Variants in GRM5 observed in about 807,000 individuals in gnomAD.
GRM5 encodes metabotropic glutamate receptor 5.
In GRM5, 19 loss-of-function variants were observed where a neutral mutation model predicts 83.1. The ratio of observed to expected loss-of-function variants is 0.23; its 90% CI spans 0.16 to 0.34. GRM5 has a LOEUF of 0.34. GRM5 is among the 10% of genes least tolerant of loss of function. The pLI is 1.00. For missense variants in GRM5, 1,160 were observed against 1,588.3 expected, an observed-to-expected ratio of 0.73 and a Z score of 4.58; for synonymous variants, 675 against 633.6, an observed-to-expected ratio of 1.07 and a Z score of -0.98.
At chr11:88,584,445 T>G (rs772166256) in intron 7 of GRM5, among the ~76,000 whole-genome samples, 16 of 152,116 alleles carry the variant, frequency 1.1e-4, no homozygotes, top group Non-Finnish European at 2.1e-4. Flanking sequence ...CTTTTCTTTT[T>G]GTTTTTGAGA....
chr11:88,567,454 T>C lies in GRM5; in HGVS notation c.2229A>G (p.Pro743=). The C allele has an allele frequency of 6.2e-7, 1 of 1,614,146 alleles. No homozygotes were observed. Among genetic ancestry groups the C allele is most frequent in the Non-Finnish European group, 8.5e-7 (1 of 1,179,972 alleles). The part of the protein sequence containing the change: ...CNTTNLGVVT[P]LGYNGLLILS... ...AAATCAACAATCCATTGTATCCAAG[T>C]GGAGTGACAACTCCTAGGTTGGTGG... Residue 743 remains proline (P), a synonymous_variant, in exon 8 of 10, where the codon CCA becomes CCG. Transcript: ENST00000305447. This position sits in a 1 kb window ranked among gnomAD's most constrained non-coding sequence, Gnocchi z 7.3.
intron 2 of GRM5, among the ~76,000 whole-genome samples, chr11:89,007,907 G>A (rs1373137683): frequency 1.3e-5 from 2 of 152,108 alleles, no homozygotes; most frequent in African/African-American, 2.4e-5. Flanking sequence ...GGTGAAAGTG[G>A]CAACCTTTCA....
At chr11:88,754,168 C>A (rs1041897331) in intron 3 of GRM5, among the ~76,000 whole-genome samples, 2 of 152,116 alleles carry the variant, frequency 1.3e-5, no homozygotes, top group Non-Finnish European at 2.9e-5. Context: ...TTATCCTCAG[C>A]AAATTAATGC....
At chr11:88,621,845 A>T (rs1483068968) in intron 4 of GRM5, among the ~76,000 whole-genome samples, 3 of 152,214 alleles carry the variant, frequency 2.0e-5, no homozygotes, top group Middle Eastern at 3.2e-3. Flanking sequence ...ATTACATTGC[A>T]GTATGTAAAC....
intron 2 of GRM5, among the ~76,000 whole-genome samples, chr11:88,964,304 A>G (rs575417638): frequency 7.9e-5 from 12 of 152,222 alleles, no homozygotes; most frequent in African/African-American, 2.9e-4. Context: ...ATTATTTTAG[A>G]TGACTCAAAA....
chr11:88,518,857 C>T (rs1227355477), intron 9 of GRM5, among the ~76,000 whole-genome samples: 1 of 151,174 alleles, frequency 6.6e-6, no homozygotes, highest in African/African-American at 2.4e-5. Context: ...GTCCCTAAAA[C>T]AATGCTACCT....
chr11:88,827,038 T>C (rs1943905230), intron 3 of GRM5, among the ~76,000 whole-genome samples: 1 of 152,104 alleles, frequency 6.6e-6, no homozygotes, highest in Admixed American at 6.6e-5. Context: ...TGTAATGGAG[T>C]ATTTTTTTTA....
chr11:88,643,681 A>T (rs912671531), intron 4 of GRM5, among the ~76,000 whole-genome samples: 2 of 152,168 alleles, frequency 1.3e-5, no homozygotes, highest in African/African-American at 4.8e-5. Context: ...GCAGTTATTT[A>T]ATTTAATTTT....
At chr11:88,779,712 C>T (rs191398380) in intron 3 of GRM5, among the ~76,000 whole-genome samples, 2 of 152,124 alleles carry the variant, frequency 1.3e-5, no homozygotes, top group Non-Finnish European at 1.5e-5. Context: ...TATATTGCAG[C>T]TAAAATTTTT....
At chr11:88,885,020 T>C (rs1352295293) in intron 2 of GRM5, among the ~76,000 whole-genome samples, 1 of 152,180 alleles carries the variant, frequency 6.6e-6, no homozygotes, top group Non-Finnish European at 1.5e-5. Context: ...CATTACTGCC[T>C]TAACTGAATT....
In GRM5 at chr11:88,995,810, C is replaced by G. The variant is rs77953867; in HGVS notation, c.661+51402G>C. ...GAAGGGTACCCAGCAAAACTCAAATCTTGAAATTCCAAATAAAATATCTAC... is the reference window on the plus strand; with the variant it reads ...GAAGGGTACCCAGCAAAACTCAAATGTTGAAATTCCAAATAAAATATCTAC... On this transcript the variant is annotated intron_variant, in intron 2 of 9. Coordinates refer to ENST00000305447, the MANE Select transcript of GRM5 (RefSeq NM_001143831.3). Among the ~76,000 whole-genome samples, 108 of 152,072 alleles carry G rather than the reference C, an allele frequency of 7.1e-4. 2 individuals are homozygous for G. The East Asian group carries it at 0.017, about 24-fold the overall frequency.
intron 3 of GRM5, among the ~76,000 whole-genome samples, chr11:88,736,138 C>G (rs1411536335): frequency 1.3e-5 from 2 of 151,990 alleles, no homozygotes; most frequent in Non-Finnish European, 2.9e-5. Flanking sequence ...GTATTGAACA[C>G]TATGATTTCT....
chr11:88,576,500 G>A (rs1284299331), intron 7 of GRM5, among the ~76,000 whole-genome samples: 1 of 152,154 alleles, frequency 6.6e-6, no homozygotes, highest in African/African-American at 2.4e-5. Context: ...ACAAAGAAGA[G>A]GGCAAGTAAG....
chr11:88,829,106 T>TA (rs1943942583), intron 3 of GRM5, among the ~76,000 whole-genome samples: 1 of 151,948 alleles, frequency 6.6e-6, no homozygotes, highest in Non-Finnish European at 1.5e-5. Context: ...ATACGAAAAC[T>TA]AAAAATAATT....
intron 2 of GRM5, among the ~76,000 whole-genome samples, chr11:88,855,481 C>T (rs760638001): frequency 2.0e-5 from 3 of 151,738 alleles, no homozygotes; most frequent in Non-Finnish European, 2.9e-5. Context: ...TATTTAATTA[C>T]GGTATTTGTA....
intron 2 of GRM5, among the ~76,000 whole-genome samples, chr11:89,034,650 T>C: frequency 6.6e-6 from 1 of 151,878 alleles, no homozygotes. Flanking sequence ...AATAATTTAT[T>C]TGTGGTAGTA....
intron 3 of GRM5, among the ~76,000 whole-genome samples, chr11:88,834,133 T>C (rs1022406860): frequency 3.9e-5 from 6 of 152,116 alleles, no homozygotes; most frequent in African/African-American, 1.4e-4. Context: ...TCCCAACACA[T>C]AGAAATGATA....
chr11:88,710,657 C>T (rs542362181), intron 3 of GRM5, among the ~76,000 whole-genome samples: 23 of 151,932 alleles, frequency 1.5e-4, no homozygotes, highest in South Asian at 6.2e-4. Context: ...TTTAATTCTG[C>T]GAATTAACTT....
chr11:88,994,395 T>C (rs1940098680), intron 2 of GRM5, among the ~76,000 whole-genome samples: 1 of 150,068 alleles, frequency 6.7e-6, no homozygotes, highest in Admixed American at 6.7e-5. Context: ...AAGTACCTGG[T>C]AGGGTGCCTG....
Sources: allele counts gnomAD v4.1 joint callset (sites outside exome capture counted in the v4.1 genomes callset), GRCh38; gene constraint gnomAD v4.1.1; non-coding constraint Gnocchi (gnomAD v3.1); transcripts MANE v1.5; gene names NCBI Gene and HGNC (gene_info 2026-07-23, HGNC 2026-07-21).